GPR176: variants seen among roughly 807,000 people sequenced by gnomAD.
The protein encoded by GPR176 is G protein-coupled receptor 176, also known as G-protein coupled receptor 176.
In GPR176, 26 loss-of-function variants were observed where a neutral mutation model predicts 35.4. The ratio of observed to expected loss-of-function variants is 0.74; its 90% CI spans 0.54 to 1.02. The LOEUF (loss-of-function observed/expected upper bound fraction) is 1.02, where lower values mean the gene tolerates loss of function less well. GPR176 is among the 50% of genes least tolerant of loss of function. The pLI is 0.00. For missense variants in GPR176, 597 were observed against 665.3 expected (o/e 0.90, Z 1.13); for synonymous variants, 278 against 271.3 (o/e 1.02, Z -0.24).
At chr15:39,856,425 A>C (rs1328917170) in intron 1 of GPR176, among the ~76,000 whole-genome samples, 1 of 152,216 alleles carries the variant, frequency 6.6e-6, no homozygotes, top group East Asian at 1.9e-4. Flanking sequence ...ATGATGGGTA[A>C]GTCAGGAATA....
At chr15:39,872,813 T>G (rs536614014) in intron 1 of GPR176, among the ~76,000 whole-genome samples, 1 of 152,220 alleles carries the variant, frequency 6.6e-6, no homozygotes, top group African/African-American at 2.4e-5. Context: ...ACGAGGGATC[T>G]GCTCCCATGA....
In GPR176 at chr15:39,807,026, G is replaced by C. The variant is rs987002472; in HGVS notation, c.405C>G (p.Phe135Leu). The change falls in exon 2 of 3, where the codon TTC becomes TTG. Residue 135 changes from phenylalanine (F) to leucine (L), a missense_variant. Coordinates refer to ENST00000561100, the MANE Select transcript of GPR176 (RefSeq NM_007223.3). Reference sequence around the variant, plus strand: ...CTTACCTGTCCAAAGCAATAGCAGGGAAGCTGAGGATGGTCACAGAGCAGA... The same window carrying C: ...CTTACCTGTCCAAAGCAATAGCAGGCAAGCTGAGGATGGTCACAGAGCAGA... ...KVFCSVTILS[F>L]PAIALDRYYS... is the part of the protein sequence containing the mutation. 2.5e-6 allele frequency: 4 copies of C among 1,613,216 alleles called. No homozygotes were observed. Among genetic ancestry groups the C allele is most frequent in the Non-Finnish European group, 3.4e-6 (4 of 1,179,666 alleles).
At chr15:39,916,526 T>C (rs2033730418) in intron 1 of GPR176, among the ~76,000 whole-genome samples, 1 of 152,162 alleles carries the variant, frequency 6.6e-6, no homozygotes, top group Non-Finnish European at 1.5e-5. Context: ...CTAAAACAGT[T>C]TTCAAAAAGA....
intron 1 of GPR176, among the ~76,000 whole-genome samples, chr15:39,816,907 A>G (rs1899941282): frequency 6.6e-6 from 1 of 151,808 alleles, no homozygotes; most frequent in Non-Finnish European, 1.5e-5. Context: ...ATAAAAATTA[A>G]AAATAAGAAA....
chr15:39,822,868 G>C (rs980830140), intron 1 of GPR176, among the ~76,000 whole-genome samples: 1 of 152,208 alleles, frequency 6.6e-6, no homozygotes, highest in Non-Finnish European at 1.5e-5. Flanking sequence ...AAAAGCCACA[G>C]TCAAGGCACA....
intron 1 of GPR176, among the ~76,000 whole-genome samples, chr15:39,876,186 A>AAAG (rs963371100): frequency 4.1e-4 from 62 of 151,936 alleles, no homozygotes; most frequent in Admixed American, 9.2e-4. Context: ...ATTTTTAAAA[A>AAAG]AAGAAGAAGA....
intron 1 of GPR176, among the ~76,000 whole-genome samples, chr15:39,890,062 T>C (rs74008990): frequency 0.012 from 1,900 of 152,286 alleles, 48 homozygotes; most frequent in African/African-American, 0.041. Context: ...ATGAAAATTT[T>C]GATCATCATT....
At chr15:39,895,033 G>A (rs987920134) in intron 1 of GPR176, among the ~76,000 whole-genome samples, 7 of 152,214 alleles carry the variant, frequency 4.6e-5, no homozygotes, top group Admixed American at 2.0e-4. Flanking sequence ...GTTGGAGACC[G>A]GCCTGGCCAA....
At chr15:39,914,669 T>A (rs554921841) in intron 1 of GPR176, among the ~76,000 whole-genome samples, 3 of 152,178 alleles carry the variant, frequency 2.0e-5, no homozygotes, top group Non-Finnish European at 4.4e-5. Context: ...AGACAGAAAC[T>A]CCATGTAGAA....
At chr15:39,910,218 A>G (rs1168258170) in intron 1 of GPR176, among the ~76,000 whole-genome samples, 1 of 152,266 alleles carries the variant, frequency 6.6e-6, no homozygotes, top group East Asian at 1.9e-4. Context: ...GGCTAATGCA[A>G]TACTCTTGGT....
At chr15:39,916,806 A>C (rs2033737543) in intron 1 of GPR176, among the ~76,000 whole-genome samples, 1 of 152,116 alleles carries the variant, frequency 6.6e-6, no homozygotes, top group Admixed American at 6.6e-5. Flanking sequence ...TTTTATTCCT[A>C]ATCTATGATT....
intron 1 of GPR176, among the ~76,000 whole-genome samples, chr15:39,837,466 ATTTAAGC>A (rs1197115296): frequency 1.3e-5 from 2 of 152,098 alleles, no homozygotes; most frequent in Non-Finnish European, 2.9e-5. Context: ...GGTAAATCCT[ATTTAAGC>A]TTTAAGGATC....
At chr15:39,913,016 A>G (rs2033620205) in intron 1 of GPR176, among the ~76,000 whole-genome samples, 1 of 152,240 alleles carries the variant, frequency 6.6e-6, no homozygotes. Context: ...AAATATTCAG[A>G]GCAGCATTAT....
intron 1 of GPR176, among the ~76,000 whole-genome samples, chr15:39,839,178 G>A (rs1035218471): frequency 2.0e-5 from 3 of 152,198 alleles, no homozygotes; most frequent in Non-Finnish European, 4.4e-5. Flanking sequence ...ATATTGCCAA[G>A]ACAATCCTAA....
chr15:39,859,524 T>C, intron 1 of GPR176, among the ~76,000 whole-genome samples: 1 of 151,538 alleles, frequency 6.6e-6, no homozygotes, highest in Non-Finnish European at 1.5e-5. Flanking sequence ...AATAAAGTAT[T>C]GGCAAGGATG....
intron 1 of GPR176, among the ~76,000 whole-genome samples, chr15:39,871,996 C>T (rs907209808): frequency 6.6e-6 from 1 of 152,110 alleles, no homozygotes; most frequent in Non-Finnish European, 1.5e-5. Flanking sequence ...ATAATGAGGC[C>T]AATTTTATCC....
At chr15:39,841,310 T>C (rs1229925120) in intron 1 of GPR176, among the ~76,000 whole-genome samples, 1 of 152,096 alleles carries the variant, frequency 6.6e-6, no homozygotes, top group Non-Finnish European at 1.5e-5. Context: ...TGTTATAAGT[T>C]GAATTGTGTC....
Position 39,801,454 on chromosome 15 carries a change from C to T in GPR176, c.1226G>A (p.Cys409Tyr). Residue 409 changes from cysteine to tyrosine, a missense_variant, in exon 3 of 3, where the codon TGC becomes TAC. Physicochemically the swap from Cys to Tyr is radical, Grantham distance 194 (BLOSUM62 -2). This residue lies in a region of GPR176 where 251 missense variants were observed against 255.4 expected (regional missense o/e 0.98). Coordinates refer to ENST00000561100, the MANE Select transcript of GPR176 (RefSeq NM_007223.3). Reference sequence around the variant, plus strand: ...CTGTGGCCCCTGCTCTCCCTCCAGGCAGGTGCTAAATATCTCCTTGGCCTG... The same window carrying T: ...CTGTGGCCCCTGCTCTCCCTCCAGGTAGGTGCTAAATATCTCCTTGGCCTG... ...DFQAKEIFST[C>Y]LEGEQGPQFA... 6.2e-7 allele frequency: 1 copy of T among 1,614,198 alleles called. No homozygotes were observed. Among genetic ancestry groups the T allele is most frequent in the Non-Finnish European group, 8.5e-7 (1 of 1,180,008 alleles).
intron 1 of GPR176, among the ~76,000 whole-genome samples, chr15:39,861,130 G>A (rs1254783034): frequency 6.6e-6 from 1 of 152,094 alleles, no homozygotes; most frequent in Non-Finnish European, 1.5e-5. Context: ...ACTTATCTAA[G>A]AGAAAAAAGC....
Sources: gnomAD v4.1 joint callset for allele counts (sites outside exome capture counted in the v4.1 genomes callset) on GRCh38, gnomAD v4.1.1 for gene constraint, gnomAD v4.1.1 regional missense constraint, MANE v1.5 for transcripts, NCBI Gene and HGNC (gene_info 2026-07-23, HGNC 2026-07-21) for gene names.